The following TTC38 variants were observed in gnomAD, a reference collection of about 807,000 sequenced individuals.
TTC38 encodes tetratricopeptide repeat domain 38.
Under a neutral mutation model 64.2 loss-of-function variants are expected in TTC38, and 64 were observed. The ratio of observed to expected loss-of-function variants is 1.00; its 90% CI spans 0.81 to 1.23. TTC38 has a LOEUF of 1.23. Among genes scored for constraint, TTC38 ranks in the 50% most tolerant of loss-of-function variants. The pLI, the probability that TTC38 is intolerant of heterozygous loss-of-function variation, is 0.00. For missense variants in TTC38, 573 were observed against 615.5 expected, an observed-to-expected ratio of 0.93 and a Z score of 0.73; for synonymous variants, 254 against 249.3, an observed-to-expected ratio of 1.02 and a Z score of -0.18.
chr22:46,273,065 T>G lies in TTC38; in HGVS notation c.193+649T>G, dbSNP rs941524732. On this transcript the variant is annotated intron_variant, in intron 3 of 13. Transcript: ENST00000381031. This position sits in a 1 kb window ranked among gnomAD's most constrained non-coding sequence, Gnocchi z 5.1. Reference sequence around the variant, plus strand: ...CACCCTGCTGCAGCCTAGTCAGACTTAAGGCAGGGGACTTGTACTGCCCTG... The same window carrying G: ...CACCCTGCTGCAGCCTAGTCAGACTGAAGGCAGGGGACTTGTACTGCCCTG... Among the ~76,000 whole-genome samples, 2 of 152,130 alleles carry G rather than the reference T, an allele frequency of 1.3e-5. No individual in the cohort carries two copies. Among genetic ancestry groups the G allele is most frequent in the African/African-American group, 4.8e-5 (2 of 41,412 alleles).
In TTC38 at chr22:46,271,220, G is replaced by A. The variant is rs1198493280; in HGVS notation, c.112-1115G>A. Reference sequence around the variant, plus strand: ...GCAGGTCACCTGTCAGGAGGAACCTGCCTTTTCTTTCTTTTCTTTTTTCTT... The same window carrying A: ...GCAGGTCACCTGTCAGGAGGAACCTACCTTTTCTTTCTTTTCTTTTTTCTT... On this transcript the variant is annotated intron_variant, in intron 2 of 13. Coordinates refer to ENST00000381031, the MANE Select transcript of TTC38 (RefSeq NM_017931.4). The surrounding 1 kb of genome is among the most constrained non-coding windows in gnomAD (Gnocchi z 5.5). Among the ~76,000 whole-genome samples the A allele has an allele frequency of 2.0e-5, 3 of 152,170 alleles. No individual in the cohort carries two copies. The highest frequency in any genetic ancestry group is 7.2e-5 in the African/African-American group (3 of 41,454).
intron 8 of TTC38, among the ~76,000 whole-genome samples, chr22:46,284,326 C>T (rs934177120): frequency 1.3e-5 from 2 of 152,210 alleles, no homozygotes; most frequent in African/African-American, 4.8e-5. Flanking sequence ...GCCATGAGAT[C>T]TTCCAACGGG....
chr22:46,289,693 C>A, intron 12 of TTC38, 132 bp downstream of exon 12: 1 of 1,446,442 alleles, frequency 6.9e-7, no homozygotes, highest in Non-Finnish European at 9.6e-7. Flanking sequence ...ACACTCCCGC[C>A]GTGTAAGTTC....
chr22:46,283,821 C>T (rs1242879362), intron 7 of TTC38, 152 bp from the exon 8 acceptor site: 2 of 493,400 alleles, frequency 4.1e-6, no homozygotes, highest in African/African-American at 2.3e-5. Flanking sequence ...CACTACACTC[C>T]AGCCTGAGCA....
rs752587078 is a variant in TTC38 at position 46,287,174 on chromosome 22, C to T, written c.916+20C>T. On this transcript the variant is annotated intron_variant, in intron 10 of 13. Coordinates refer to ENST00000381031, the MANE Select transcript of TTC38 (RefSeq NM_017931.4). ...TGGAAGGTAGCCATCCCTGCAGCCCCACTGGCTTCTGCCTCTTCCTCCCAC... is the reference window on the plus strand; with the variant it reads ...TGGAAGGTAGCCATCCCTGCAGCCCTACTGGCTTCTGCCTCTTCCTCCCAC... The T allele has an allele frequency of 6.3e-7, 1 of 1,586,932 alleles. No homozygotes were observed. Among genetic ancestry groups the T allele is most frequent in the East Asian group, 2.3e-5 (1 of 44,290 alleles).
At chr22:46,288,754 C>T (rs2077590339) in intron 11 of TTC38, among the ~76,000 whole-genome samples, 166 bp downstream of exon 11, 1 of 152,214 alleles carries the variant, frequency 6.6e-6, no homozygotes, top group Admixed American at 6.5e-5. Flanking sequence ...AGATGTGCAT[C>T]CCCTGGTGCA....
Position 46,285,278 on chromosome 22 carries a change from A to C in TTC38, c.833A>C (p.His278Pro), listed in dbSNP as rs777842054. ...GCCGCGCTGACCATCTACGATACCC[A>C]CGTAAGTTGCATTCACACCGTGTTT... The part of the protein sequence containing the change: ...YEAALTIYDT[H>P]ILPSLQANDA... Residue 278 changes from histidine (H) to proline (P), a missense_variant and splice_region_variant, in exon 9 of 14, where the codon CAC becomes CCC. By Grantham distance (77) the His-to-Pro change is moderately conservative. This residue lies in a region of TTC38 where 371 missense variants were observed against 381.8 expected (regional missense o/e 0.97). Coordinates refer to ENST00000381031, the MANE Select transcript of TTC38 (RefSeq NM_017931.4). 6.2e-7 allele frequency: 1 copy of C among 1,614,016 alleles called. No homozygotes were observed. The highest frequency in any genetic ancestry group is 2.2e-5 in the East Asian group (1 of 44,900).
chr22:46,292,243 G>A lies in TTC38; in HGVS notation c.1317-548G>A, dbSNP rs1439875941. 1 of 447,078 alleles carries A rather than the reference G, an allele frequency of 2.2e-6. No individual in the cohort carries two copies. The highest frequency in any genetic ancestry group is 1.6e-5 in the South Asian group (1 of 61,780). The allele number at this position is 447,078 out of a possible 1,614,324, so 27.7% of individuals were successfully genotyped here. On this transcript the variant is annotated intron_variant, in intron 13 of 13. Transcript: ENST00000381031. The surrounding 1 kb of genome is among the most constrained non-coding windows in gnomAD (Gnocchi z 6.5). ...CGGTCATCCAGGTTGGAATGCAGTG[G>A]TGTGATCACAGTTCACTGTAAACTC...
rs1439363322 is a variant in TTC38 at position 46,281,952 on chromosome 22, G to A, written c.735+234G>A. ...GGGACTCCACTGAGGGTCCAGCCCA[G>A]ACTTCTCTGTCCTTACAGGGCCTGG... On this transcript the variant is annotated intron_variant, in intron 7 of 13. Coordinates refer to ENST00000381031, the MANE Select transcript of TTC38 (RefSeq NM_017931.4). This position sits in a 1 kb window ranked among gnomAD's most constrained non-coding sequence, Gnocchi z 5.2. The A allele has an allele frequency of 3.0e-6, 2 of 660,336 alleles. No individual in the cohort carries two copies. Among genetic ancestry groups the A allele is most frequent in the Admixed American group, 2.1e-5 (1 of 47,034 alleles). The allele number at this position is 660,336 out of a possible 1,614,324, so 40.9% of individuals were successfully genotyped here.
rs937120860 is a variant in TTC38 at position 46,292,785 on chromosome 22, C to T, written c.1317-6C>T. On this transcript the variant is annotated splice_region_variant and splice_polypyrimidine_tract_variant and intron_variant, in intron 13 of 13. Coordinates refer to ENST00000381031, the MANE Select transcript of TTC38 (RefSeq NM_017931.4). This position sits in a 1 kb window ranked among gnomAD's most constrained non-coding sequence, Gnocchi z 6.5. ...TGTAACAGGACCTCTGTGTCTGTTT[C>T]CACAGGAGCCTTCTGATGGAGCGTG... 3.1e-6 allele frequency: 5 copies of T among 1,613,176 alleles called. No homozygotes were observed. The East Asian group carries it at 8.9e-5, about 29-fold the overall frequency.
Position 46,281,617 on chromosome 22 carries a change from A to G in TTC38, c.634A>G (p.Thr212Ala), listed in dbSNP as rs2077535512. The G allele has an allele frequency of 1.2e-6, 2 of 1,614,160 alleles. No individual in the cohort carries two copies. Among genetic ancestry groups the G allele is most frequent in the Middle Eastern group, 1.6e-4 (1 of 6,062 alleles). ...TGCGTAGGCTTTATCTATTAACCCGACAGACGCATGGTCGGTGCACACCGT... is the reference window on the plus strand; with the variant it reads ...TGCGTAGGCTTTATCTATTAACCCGGCAGACGCATGGTCGGTGCACACCGT... ...LAKEALSINP[T>A]DAWSVHTVAH... The change falls in exon 7 of 14, where the codon ACA (threonine) becomes GCA (alanine). Residue 212 changes from threonine (T) to alanine (A), a missense_variant. Physicochemically the swap from Thr to Ala is moderately conservative, Grantham distance 58. Transcript: ENST00000381031. The surrounding 1 kb of genome is among the most constrained non-coding windows in gnomAD (Gnocchi z 5.2).
chr22:46,281,484 T>G lies in TTC38; in HGVS notation c.616-115T>G. Reference sequence around the variant, plus strand: ...TGAGTCAGAGCCCCGCCCCCCCACTTGCTCCACCCCGTTCAGCCCAGGCCC... The same window carrying G: ...TGAGTCAGAGCCCCGCCCCCCCACTGGCTCCACCCCGTTCAGCCCAGGCCC... On this transcript the variant is annotated intron_variant, in intron 6 of 13. Coordinates refer to ENST00000381031, the MANE Select transcript of TTC38 (RefSeq NM_017931.4). This position sits in a 1 kb window ranked among gnomAD's most constrained non-coding sequence, Gnocchi z 5.2. 5 of 1,127,960 alleles carry G rather than the reference T, an allele frequency of 4.4e-6. No individual in the cohort carries two copies. The highest frequency in any genetic ancestry group is 2.2e-5 in the Admixed American group (1 of 46,084). 69.9% of individuals were successfully genotyped at this position (1,127,960 alleles called of 1,614,324 possible). A position where few individuals can be genotyped will look rare whatever the true frequency, so the allele number is the denominator to read the frequency against.
intron 1 of TTC38, 75 bp from the exon 2 acceptor site, chr22:46,268,439 A>G (rs1936810261): frequency 6.1e-6 from 9 of 1,485,272 alleles, no homozygotes; most frequent in Non-Finnish European, 8.4e-6. Context: ...CAGAGGGGCC[A>G]GGAGACGTGT....
In TTC38 at chr22:46,272,796, C is replaced by T. The variant is rs1206805909; in HGVS notation, c.193+380C>T. On this transcript the variant is annotated intron_variant, in intron 3 of 13. Transcript: ENST00000381031. This position sits in a 1 kb window ranked among gnomAD's most constrained non-coding sequence, Gnocchi z 6.4. ...AGCTTCCTGAATCCAAGGCCCAGACCCCTGGAACATGAGAGGTGGCTGCTG... is the reference window on the plus strand; with the variant it reads ...AGCTTCCTGAATCCAAGGCCCAGACTCCTGGAACATGAGAGGTGGCTGCTG... 1.3e-5 allele frequency among the ~76,000 whole-genome samples: 2 copies of T among 152,176 alleles called. No individual in the cohort carries two copies. Among genetic ancestry groups the T allele is most frequent in the African/African-American group, 4.8e-5 (2 of 41,442 alleles).
chr22:46,279,456 T>C (rs2077517430), intron 6 of TTC38, among the ~76,000 whole-genome samples: 1 of 152,178 alleles, frequency 6.6e-6, no homozygotes, highest in African/African-American at 2.4e-5. Context: ...GGCTAGAGCC[T>C]GCCTAAGACC....
Position 46,282,902 on chromosome 22 carries a change from C to G in TTC38, c.736-1071C>G, listed in dbSNP as rs1333297598. The stretch of plus-strand genomic sequence containing the variant: ...TTGCCAGCACCTGTTGGAGTGTGGC[C>G]CTGGGCCTGTTGATCTCTGCAGGTT... On this transcript the variant is annotated intron_variant, in intron 7 of 13. Coordinates refer to ENST00000381031, the MANE Select transcript of TTC38 (RefSeq NM_017931.4). This position sits in a 1 kb window ranked among gnomAD's most constrained non-coding sequence, Gnocchi z 4.4. 6.6e-6 allele frequency among the ~76,000 whole-genome samples: 1 copy of G among 152,140 alleles called. No individual in the cohort carries two copies. Among genetic ancestry groups the G allele is most frequent in the Non-Finnish European group, 1.5e-5 (1 of 68,018 alleles).
At position 46,289,622 on chromosome 22, in the gene TTC38, G is replaced by A. The variant is rs890729239; in HGVS notation, c.1242+61G>A. 22 of 1,534,290 alleles carry A rather than the reference G, an allele frequency of 1.4e-5. No homozygotes were observed. The African/African-American group carries it at 2.2e-4, about 15-fold the overall frequency. ...CTGGGCCAGGGAGTCTGGGCGCCCC[G>A]CAGCCCCCAAGTTTCTCCCATGGTG... On this transcript the variant is annotated intron_variant, in intron 12 of 13. Transcript: ENST00000381031.
chr22:46,269,828 T>C (rs905119355), intron 2 of TTC38, among the ~76,000 whole-genome samples: 1 of 152,240 alleles, frequency 6.6e-6, no homozygotes. Context: ...AGTCTTGCCC[T>C]GTCACCCAGG....
intron 2 of TTC38, chr22:46,269,135 TC>T: frequency 2.3e-6 from 1 of 438,004 alleles, no homozygotes; most frequent in Non-Finnish European, 4.7e-6. Context: ...TCTCCCTTCT[TC>T]CCCAGGACTC....
Sources: allele counts gnomAD v4.1 joint callset (sites outside exome capture counted in the v4.1 genomes callset), GRCh38; gene constraint gnomAD v4.1.1; regional missense constraint gnomAD v4.1.1; non-coding constraint Gnocchi (gnomAD v3.1); transcripts MANE v1.5; gene names NCBI Gene and HGNC (gene_info 2026-07-23, HGNC 2026-07-21).